Variants in PCDHGA8 observed in about 807,000 individuals in gnomAD.
PCDHGA8 encodes the protein protocadherin gamma-A8.
In PCDHGA8, 45 loss-of-function variants were observed where a neutral mutation model predicts 59.2. That is an observed-to-expected ratio of 0.76 (90% confidence interval 0.60 to 0.98). PCDHGA8 has a LOEUF of 0.98. Ranked by LOEUF, PCDHGA8 falls within the 50% of genes least tolerant of loss-of-function variation. PCDHGA8 has a pLI of 0.00. For missense variants in PCDHGA8, 1,257 were observed against 1,196.2 expected (o/e 1.05, Z -0.75); for synonymous variants, 531 against 519.0 (o/e 1.02, Z -0.32).
Position 141,393,081 on chromosome 5 carries a change from A to T in PCDHGA8, c.268A>T (p.Ile90Leu), listed in dbSNP as rs1005323306. Residue 90 changes from isoleucine to leucine, a missense_variant, in exon 1 of 4, where the codon ATA (isoleucine) becomes TTA (leucine). Coordinates refer to ENST00000398604, the MANE Select transcript of PCDHGA8 (RefSeq NM_032088.2). ...CGGCAGCTTGATCACCGCGGGCAGGATAGATCGGGAGGAGCTCTGCGCTCA... is the reference window on the plus strand; with the variant it reads ...CGGCAGCTTGATCACCGCGGGCAGGTTAGATCGGGAGGAGCTCTGCGCTCA... ...RSGSLITAGR[I>L]DREELCAQSP... The T allele has an allele frequency of 6.2e-7, 1 of 1,613,672 alleles. No homozygotes were observed. Among genetic ancestry groups the T allele is most frequent in the South Asian group, 1.1e-5 (1 of 91,078 alleles).
At chr5:141,468,995 T>G (rs533843461) in intron 1 of PCDHGA8, among the ~76,000 whole-genome samples, 1 of 147,628 alleles carries the variant, frequency 6.8e-6, no homozygotes, top group Non-Finnish European at 1.5e-5. Context: ...TTATTGTTTT[T>G]GCTGGGTGCG....
rs936750924 is a variant in PCDHGA8, at chr5:141,418,950, T to A, written c.2424+23713T>A. On this transcript the variant is annotated intron_variant, in intron 1 of 3. Transcript: ENST00000398604. ...ATTATGGAGGATTCCCCTCCAGGAG[T>A]GGTTGTTGCCCTCTTCAAAACACGG... 23 of 1,613,742 alleles carry A rather than the reference T, an allele frequency of 1.4e-5. No individual in the cohort carries two copies. Among genetic ancestry groups the A allele is most frequent in the Non-Finnish European group, 1.9e-5 (23 of 1,179,860 alleles).
chr5:141,438,955 C>T (rs965336489), intron 1 of PCDHGA8, among the ~76,000 whole-genome samples: 3 of 151,926 alleles, frequency 2.0e-5, no homozygotes, highest in Non-Finnish European at 4.4e-5. Flanking sequence ...CATGAGCCAC[C>T]GCACCCTGCC....
At chr5:141,499,272 GT>G (rs772636179) in intron 2 of PCDHGA8, among the ~76,000 whole-genome samples, 3 of 152,122 alleles carry the variant, frequency 2.0e-5, no homozygotes, top group Non-Finnish European at 4.4e-5. Flanking sequence ...TCCCTAGACT[GT>G]TCTCTGATGG....
chr5:141,418,016 G>C (rs772945671), intron 1 of PCDHGA8: 1 of 1,613,968 alleles, frequency 6.2e-7, no homozygotes, highest in Non-Finnish European at 8.5e-7. Context: ...CCTCGCTAAG[G>C]ATCTAGGGCT....
chr5:141,395,039 T>A lies in PCDHGA8; in HGVS notation c.2226T>A (p.Gly742=). ...GCGTGCCTGCCTCACATTTTGTGGG[T>A]GTTGAGGAGGTACAGGCTTTCCTGC... is the stretch of plus-strand genomic sequence containing the variant. ...LVGVPASHFV[G]VEEVQAFLQT... The change falls in exon 1 of 4, where the codon GGT becomes GGA. Residue 742 remains glycine, a synonymous_variant. Coordinates refer to ENST00000398604, the MANE Select transcript of PCDHGA8 (RefSeq NM_032088.2). The A allele has an allele frequency of 6.2e-7, 1 of 1,614,020 alleles. No homozygotes were observed. The highest frequency in any genetic ancestry group is 8.5e-7 in the Non-Finnish European group (1 of 1,180,018).
At chr5:141,488,213 C>T (rs1261280988) in intron 1 of PCDHGA8, among the ~76,000 whole-genome samples, 1 of 152,118 alleles carries the variant, frequency 6.6e-6, no homozygotes, top group Non-Finnish European at 1.5e-5. Context: ...CATATCAAGT[C>T]CCTACTGGGG....
At chr5:141,410,469 T>C in intron 1 of PCDHGA8, 1 of 1,614,026 alleles carries the variant, frequency 6.2e-7, no homozygotes, top group Non-Finnish European at 8.5e-7. Context: ...AATCTGTGCA[T>C]TGCACATACG....
At position 141,433,069 on chromosome 5, in the gene PCDHGA8, C is replaced by G. The variant is rs561950316; in HGVS notation, c.2424+37832C>G. The G allele has an allele frequency of 3.1e-6, 5 of 1,614,200 alleles. No homozygotes were observed. In the Admixed American group the frequency reaches 8.3e-5, roughly 27 times the overall value. Reference sequence around the variant, plus strand: ...ACTCGCGGAAGAGTCACCTGATCTTCCCCCAGCCCAACTATGCAGACATGC... The same window carrying G: ...ACTCGCGGAAGAGTCACCTGATCTTGCCCCAGCCCAACTATGCAGACATGC... On this transcript the variant is annotated intron_variant, in intron 1 of 3. Coordinates refer to ENST00000398604, the MANE Select transcript of PCDHGA8 (RefSeq NM_032088.2).
Position 141,485,057 on chromosome 5 carries a change from C to T in PCDHGA8, c.2425-9750C>T. 1 of 843,720 alleles carries T rather than the reference C, an allele frequency of 1.2e-6. No individual in the cohort carries two copies. The highest frequency in any genetic ancestry group is 1.9e-6 in the Non-Finnish European group (1 of 524,586). 52.3% of individuals were successfully genotyped at this position (843,720 alleles called of 1,614,324 possible). On this transcript the variant is annotated intron_variant, in intron 1 of 3. Transcript: ENST00000398604. This position sits in a 1 kb window ranked among gnomAD's most constrained non-coding sequence, Gnocchi z 5.7. The stretch of plus-strand genomic sequence containing the variant: ...GTAACCCTTGCGGCGCCGGCCGAAC[C>T]GCGCCAGAGCTGGCGCGGGGAAAGG...
chr5:141,491,662 A>C lies in PCDHGA8; in HGVS notation c.2425-3145A>C. 2 of 1,613,770 alleles carry C rather than the reference A, an allele frequency of 1.2e-6. No homozygotes were observed. The highest frequency in any genetic ancestry group is 1.7e-6 in the Non-Finnish European group (2 of 1,180,018). ...AGCTCTGGCGCTGGAGCCTGACGCC[A>C]TCCGGTCCCGCTCTAATACGCTGCG... On this transcript the variant is annotated intron_variant, in intron 1 of 3. Coordinates refer to ENST00000398604, the MANE Select transcript of PCDHGA8 (RefSeq NM_032088.2). This position sits in a 1 kb window ranked among gnomAD's most constrained non-coding sequence, Gnocchi z 6.9.
intron 1 of PCDHGA8, chr5:141,418,297 C>T (rs760176371): frequency 2.5e-6 from 4 of 1,614,026 alleles, no homozygotes; most frequent in African/African-American, 2.7e-5. Flanking sequence ...GTGAATCCGT[C>T]AGCCTGGGGA....
rs769671283 is a variant in PCDHGA8, at chr5:141,511,391, C to T, written c.*218C>T. On this transcript the variant is annotated 3_prime_UTR_variant, in exon 4 of 4. Transcript: ENST00000398604. Reference sequence around the variant, plus strand: ...TGCAAAAGCAGTTCCGCTGGGAACCCCCATCCAATCAACTGCTGTACCCAT... The same window carrying T: ...TGCAAAAGCAGTTCCGCTGGGAACCTCCATCCAATCAACTGCTGTACCCAT... The T allele has an allele frequency of 6.4e-5, 69 of 1,079,630 alleles. No individual in the cohort carries two copies. The highest frequency in any genetic ancestry group is 1.5e-4 in the Admixed American group (5 of 34,354). 66.9% of individuals were successfully genotyped at this position (1,079,630 alleles called of 1,614,324 possible). A position where few individuals can be genotyped will look rare whatever the true frequency, so the allele number is the denominator to read the frequency against.
At chr5:141,422,872 C>T (rs773469060) in intron 1 of PCDHGA8, 19 of 1,614,134 alleles carry the variant, frequency 1.2e-5, no homozygotes, top group African/African-American at 2.7e-5. Flanking sequence ...CAACGTGTCG[C>T]TGAGCCTGTT....
At chr5:141,467,565 C>A (rs2154569547) in intron 1 of PCDHGA8, among the ~76,000 whole-genome samples, 1 of 152,302 alleles carries the variant, frequency 6.6e-6, no homozygotes, top group East Asian at 1.9e-4. Context: ...TCCCAAATGG[C>A]TATCCAGTTG....
chr5:141,486,565 TC>T lies in PCDHGA8; in HGVS notation c.2425-8240del. The T allele has an allele frequency of 6.2e-7, 1 of 1,614,024 alleles. No homozygotes were observed. The highest frequency in any genetic ancestry group is 2.2e-5 in the East Asian group (1 of 44,880). On this transcript the variant is annotated intron_variant, in intron 1 of 3. Transcript: ENST00000398604. This position sits in a 1 kb window ranked among gnomAD's most constrained non-coding sequence, Gnocchi z 5.0. Reference sequence around the variant, plus strand: ...TTCAGAGGTCACATGAGGTGTTTGTTCCTGAGAACAATCGCCCAGGGGACCT... The same window carrying T: ...TTCAGAGGTCACATGAGGTGTTTGTTCTGAGAACAATCGCCCAGGGGACCT...
chr5:141,460,553 C>A (rs2098991893), intron 1 of PCDHGA8, among the ~76,000 whole-genome samples: 1 of 152,032 alleles, frequency 6.6e-6, no homozygotes. Context: ...AATCAAAAAT[C>A]ATTTGGCCAT....
At chr5:141,412,100 C>G (rs1041242156) in intron 1 of PCDHGA8, 2 of 152,180 alleles carry the variant, frequency 1.3e-5, no homozygotes, top group Non-Finnish European at 2.9e-5. Context: ...TGGGCACACA[C>G]AGTTGAAGAT....
chr5:141,423,636 C>A, intron 1 of PCDHGA8: 1 of 1,598,388 alleles, frequency 6.3e-7, no homozygotes, highest in Non-Finnish European at 8.5e-7. Context: ...TCATTTTAGG[C>A]AAATGTGACC....
Sources: gnomAD v4.1 joint callset for allele counts (sites outside exome capture counted in the v4.1 genomes callset) on GRCh38, gnomAD v4.1.1 for gene constraint, Gnocchi (gnomAD v3.1) non-coding constraint, MANE v1.5 for transcripts, NCBI Gene and HGNC (gene_info 2026-07-23, HGNC 2026-07-21) for gene names.